The following AKAP13 variants were observed in gnomAD, a reference collection of about 807,000 sequenced individuals.
The protein encoded by AKAP13 is A-kinase anchoring protein 13, also known as A-kinase anchor protein 13.
A neutral mutation model predicts 264.5 loss-of-function variants in AKAP13; 80 were observed. The observed-to-expected ratio is 0.30, with a 90% CI of 0.25 to 0.36. The LOEUF (loss-of-function observed/expected upper bound fraction) is 0.36. Among genes scored for constraint, AKAP13 ranks in the 10% least tolerant of loss-of-function variants. AKAP13 has a pLI of 1.00. For missense variants in AKAP13, 3,712 were observed against 3,435.2 expected (o/e 1.08, Z -2.01); for synonymous variants, 1,380 against 1,250.2 (o/e 1.10, Z -2.19).
At chr15:85,556,170 A>T (rs2078137532) in intron 5 of AKAP13, among the ~76,000 whole-genome samples, 1 of 152,248 alleles carries the variant, frequency 6.6e-6, no homozygotes, top group African/African-American at 2.4e-5. Context: ...CACATGCAAC[A>T]TGGAAATACA....
At chr15:85,411,497 G>T (rs1314019000) in intron 1 of AKAP13, among the ~76,000 whole-genome samples, 1 of 152,066 alleles carries the variant, frequency 6.6e-6, no homozygotes, top group African/African-American at 2.4e-5. Flanking sequence ...GAGTGTAGTG[G>T]CACGATCTCG....
chr15:85,412,040 T>C (rs2071996809), intron 1 of AKAP13, among the ~76,000 whole-genome samples: 1 of 152,236 alleles, frequency 6.6e-6, no homozygotes, highest in South Asian at 2.1e-4. Context: ...ATGAAATGTA[T>C]CTACATTTGG....
chr15:85,664,577 G>T lies in AKAP13; in HGVS notation c.4814G>T (p.Gly1605Val). ...PIHRRSFSLE[G>V]LTGGAGVGNK... is the part of the protein sequence containing the mutation. The stretch of plus-strand genomic sequence containing the variant: ...CCTATGTTCAGTTTCAGTCTAGAAG[G>T]CTTGACAGGAGGAGCTGGTGTCGGA... The change falls in exon 13 of 37, where the codon GGC becomes GTC. Residue 1605 changes from glycine (G) to valine (V), a missense_variant. By Grantham distance (109) the Gly-to-Val change is moderately radical. This residue lies in a region of AKAP13 where 2,759 missense variants were observed against 2,411.7 expected (regional missense o/e 1.14). Transcript: ENST00000394518. 1.2e-6 allele frequency: 2 copies of T among 1,612,408 alleles called. No homozygotes were observed. The highest frequency in any genetic ancestry group is 1.7e-6 in the Non-Finnish European group (2 of 1,179,026).
intron 8 of AKAP13, among the ~76,000 whole-genome samples, chr15:85,621,906 C>T (rs927207483): frequency 2.8e-4 from 42 of 152,096 alleles, no homozygotes; most frequent in African/African-American, 1.0e-3. Flanking sequence ...CTATCCTGCC[C>T]AATAAATAAT....
At chr15:85,385,177 C>T (rs2070491542) in intron 1 of AKAP13, among the ~76,000 whole-genome samples, 1 of 152,116 alleles carries the variant, frequency 6.6e-6, no homozygotes, top group Admixed American at 6.5e-5. Flanking sequence ...TTTGCTGACC[C>T]TTTTTCTACA....
At chr15:85,440,704 T>A (rs1288251350) in intron 1 of AKAP13, among the ~76,000 whole-genome samples, 1 of 152,204 alleles carries the variant, frequency 6.6e-6, no homozygotes, top group African/African-American at 2.4e-5. Flanking sequence ...TTACACACTT[T>A]CCTTTTTGCT....
chr15:85,573,544 C>CAAA (rs901853118), intron 5 of AKAP13, among the ~76,000 whole-genome samples: 7 of 62,886 alleles, frequency 1.1e-4, no homozygotes, highest in African/African-American at 5.4e-4. Flanking sequence ...GACTCTGTCT[C>CAAA]AAAAATAAAT....
At chr15:85,488,470 G>A (rs2075632204) in intron 2 of AKAP13, among the ~76,000 whole-genome samples, 1 of 152,162 alleles carries the variant, frequency 6.6e-6, no homozygotes, top group African/African-American at 2.4e-5. Flanking sequence ...ACAGAAGGAT[G>A]GCTTCCCCAA....
At chr15:85,726,935 C>T (rs1162956015) in intron 27 of AKAP13, 131 bp from the exon 28 acceptor site, 2 of 933,108 alleles carry the variant, frequency 2.1e-6, no homozygotes, top group Non-Finnish European at 1.6e-6. Flanking sequence ...TTCTCTTTAT[C>T]CTAAAGTAGC....
At position 85,581,482 on chromosome 15, in the gene AKAP13, C is replaced by G. The variant is rs2079141545; in HGVS notation, c.3414C>G (p.Asp1138Glu). 2 of 1,614,164 alleles carry G rather than the reference C, an allele frequency of 1.2e-6. No individual in the cohort carries two copies. The highest frequency in any genetic ancestry group is 1.7e-6 in the Non-Finnish European group (2 of 1,180,030). Residue 1138 changes from aspartate to glutamate, a missense_variant, in exon 7 of 37, where the codon GAC (aspartate) becomes GAG (glutamate). Asp to Glu is a conservative substitution (Grantham distance 45, BLOSUM62 2). Around this residue, in one of 3 missense-constraint regions of AKAP13, gnomAD observed 2,759 missense variants for 2,411.7 expected, o/e 1.14. Transcript: ENST00000394518. ...TAGGTTTGCCAGTGGCTCTACAGGA[C>G]AAAGCTGTGACTGACCCACAGGGAG... ...AVLGLPVALQ[D>E]KAVTDPQGVG... is the part of the protein sequence containing the mutation.
In AKAP13 at chr15:85,581,249, C is replaced by G. The variant is rs1171275977; in HGVS notation, c.3181C>G (p.Gln1061Glu). The G allele has an allele frequency of 3.1e-6, 5 of 1,614,170 alleles. No individual in the cohort carries two copies. The highest frequency in any genetic ancestry group is 4.2e-6 in the Non-Finnish European group (5 of 1,180,028). The change falls in exon 7 of 37, where the codon CAG becomes GAG. Residue 1061 changes from glutamine to glutamate, a missense_variant. This residue lies in a region of AKAP13 where 2,759 missense variants were observed against 2,411.7 expected (regional missense o/e 1.14). Coordinates refer to ENST00000394518, the MANE Select transcript of AKAP13 (RefSeq NM_007200.5). Reference sequence around the variant, plus strand: ...TGGGTCCGATGCTCTTAACTGCAGTCAGCCTTCTCCTCTGGATGTTGGAGT... The same window carrying G: ...TGGGTCCGATGCTCTTAACTGCAGTGAGCCTTCTCCTCTGGATGTTGGAGT... The part of the protein sequence containing the change: ...SDGSDALNCS[Q>E]PSPLDVGVKN...
At chr15:85,586,561 T>A (rs961738491) in intron 8 of AKAP13, among the ~76,000 whole-genome samples, 29 of 152,010 alleles carry the variant, frequency 1.9e-4, no homozygotes, top group African/African-American at 7.0e-4. Flanking sequence ...ATAGCCAAAA[T>A]GAGATTTTTA....
chr15:85,402,794 A>G (rs2071486609), intron 1 of AKAP13, among the ~76,000 whole-genome samples: 1 of 152,164 alleles, frequency 6.6e-6, no homozygotes, highest in African/African-American at 2.4e-5. Flanking sequence ...AAGATTGTGT[A>G]GCTTGGCTAA....
chr15:85,690,281 G>C (rs1336516329), intron 16 of AKAP13, among the ~76,000 whole-genome samples: 1 of 152,158 alleles, frequency 6.6e-6, no homozygotes, highest in African/African-American at 2.4e-5. Context: ...AGGATAAGCT[G>C]GTTGCCATAA....
At chr15:85,714,048 T>C (rs752402884) in intron 19 of AKAP13, among the ~76,000 whole-genome samples, 2 of 152,216 alleles carry the variant, frequency 1.3e-5, no homozygotes, top group African/African-American at 2.4e-5. Context: ...TAAAACTTTT[T>C]GACTCCCCCA....
At chr15:85,459,427 C>T (rs1385594198) in intron 1 of AKAP13, among the ~76,000 whole-genome samples, 2 of 146,840 alleles carry the variant, frequency 1.4e-5, no homozygotes, top group Non-Finnish European at 3.0e-5. Context: ...TTGAATGCCT[C>T]ACCTCAAGTG....
chr15:85,644,663 C>G, intron 9 of AKAP13, among the ~76,000 whole-genome samples: 1 of 121,850 alleles, frequency 8.2e-6, no homozygotes, highest in Non-Finnish European at 1.6e-5. Flanking sequence ...TCCTGGCTAA[C>G]ACGGTGAAAC....
intron 10 of AKAP13, among the ~76,000 whole-genome samples, chr15:85,653,270 G>C (rs1328121956): frequency 1.3e-5 from 2 of 152,150 alleles, no homozygotes; most frequent in Admixed American, 6.5e-5. Flanking sequence ...TGTTCTTACA[G>C]GGTTTTTTAA....
At chr15:85,434,263 C>T (rs1363902837) in intron 1 of AKAP13, among the ~76,000 whole-genome samples, 6 of 152,104 alleles carry the variant, frequency 3.9e-5, no homozygotes, top group Admixed American at 2.6e-4. Flanking sequence ...CTTTTCAGAC[C>T]GGCTTAAAAA....
Sources: allele counts gnomAD v4.1 joint callset (sites outside exome capture counted in the v4.1 genomes callset), GRCh38; gene constraint gnomAD v4.1.1; regional missense constraint gnomAD v4.1.1; transcripts MANE v1.5; gene names NCBI Gene and HGNC (gene_info 2026-07-23, HGNC 2026-07-21).